STRBP: variants seen among roughly 807,000 people sequenced by gnomAD.
The protein encoded by STRBP is spermatid perinuclear RNA-binding protein.
Under a neutral mutation model 80.1 loss-of-function variants are expected in STRBP, and 13 were observed. That is an observed-to-expected ratio of 0.16 (90% CI 0.11 to 0.26). The LOEUF is 0.26. STRBP is among the 10% of genes least tolerant of loss of function. The probability of loss-of-function intolerance (pLI) is 1.00; values close to 1 mark genes in which losing one functional copy is unlikely to be tolerated. For missense variants in STRBP, 485 were observed against 815.2 expected, an observed-to-expected ratio of 0.59 and a Z score of 4.93; for synonymous variants, 284 against 291.2, an observed-to-expected ratio of 0.98 and a Z score of 0.25.
intron 2 of STRBP, among the ~76,000 whole-genome samples, chr9:123,193,455 T>C (rs1157665576): frequency 1.3e-5 from 2 of 152,350 alleles, no homozygotes; most frequent in East Asian, 1.9e-4. Context: ...GACTTCTCCA[T>C]CTTGGATTAA....
intron 2 of STRBP, among the ~76,000 whole-genome samples, chr9:123,225,347 A>G (rs2040201531): frequency 6.6e-6 from 1 of 152,248 alleles, no homozygotes; most frequent in African/African-American, 2.4e-5. Context: ...GGAAAAAGGA[A>G]AACAGAAAAG....
At chr9:123,202,400 G>C (rs4838033) in intron 2 of STRBP, among the ~76,000 whole-genome samples, 50,510 of 152,068 alleles carry the variant, frequency 0.33, 12,456 homozygotes, top group East Asian at 0.7. Flanking sequence ...TGTAGTGCTG[G>C]TTTGGTAGGG....
chr9:123,256,004 G>A (rs1158734111), intron 1 of STRBP, among the ~76,000 whole-genome samples: 1 of 137,348 alleles, frequency 7.3e-6, no homozygotes, highest in Non-Finnish European at 1.6e-5. Flanking sequence ...ACAGTTCCAA[G>A]ACATCCTTTC....
intron 1 of STRBP, among the ~76,000 whole-genome samples, chr9:123,239,350 G>A (rs970907720): frequency 6.6e-6 from 1 of 152,118 alleles, no homozygotes; most frequent in African/African-American, 2.4e-5. Flanking sequence ...ACTCTGGCCT[G>A]GGTGACAGAG....
intron 2 of STRBP, among the ~76,000 whole-genome samples, chr9:123,210,839 A>AG (rs1019384743): frequency 3.3e-5 from 5 of 152,026 alleles, no homozygotes; most frequent in Non-Finnish European, 5.9e-5. Flanking sequence ...AAAAAAAAAA[A>AG]AAGATCAACC....
intron 1 of STRBP, among the ~76,000 whole-genome samples, chr9:123,266,442 C>A (rs1177380249): frequency 6.6e-6 from 1 of 151,958 alleles, no homozygotes; most frequent in Non-Finnish European, 1.5e-5. Flanking sequence ...GTCCCCCCAC[C>A]CCTCAATCTC....
At chr9:123,230,913 T>C (rs1301124590) in intron 2 of STRBP, among the ~76,000 whole-genome samples, 1 of 147,976 alleles carries the variant, frequency 6.8e-6, no homozygotes, top group African/African-American at 2.7e-5. Context: ...GGTATAATAA[T>C]TGTACCCAAA....
At chr9:123,248,271 T>G (rs1266685509) in intron 1 of STRBP, among the ~76,000 whole-genome samples, 1 of 143,268 alleles carries the variant, frequency 7.0e-6, no homozygotes, top group Non-Finnish European at 1.5e-5. Context: ...GTTTTTTTTT[T>G]TTTTTTTTTT....
chr9:123,122,795 T>C lies in STRBP; in HGVS notation c.*2802A>G. 1.0e-6 allele frequency: 1 copy of C among 989,848 alleles called. No individual in the cohort carries two copies. The highest frequency in any genetic ancestry group is 1.2e-6 in the Non-Finnish European group (1 of 832,840). 61.3% of individuals were successfully genotyped at this position (989,848 alleles called of 1,614,324 possible). On this transcript the variant is annotated 3_prime_UTR_variant, in exon 19 of 19. Coordinates refer to ENST00000348403, the MANE Select transcript of STRBP (RefSeq NM_018387.5). ...GCAGTCAGGAATGTAACTATTTATG[T>C]GCTAAAAAGTGTAAAAAACTGTCAG...
chr9:123,220,429 C>T (rs968944319), intron 2 of STRBP, among the ~76,000 whole-genome samples: 3 of 152,194 alleles, frequency 2.0e-5, no homozygotes, highest in Non-Finnish European at 4.4e-5. Context: ...TGTATCCACA[C>T]ACAGAAAAAG....
chr9:123,180,032 T>C (rs1267206560), intron 3 of STRBP, among the ~76,000 whole-genome samples: 1 of 152,088 alleles, frequency 6.6e-6, no homozygotes, highest in Non-Finnish European at 1.5e-5. Context: ...GGTGGGAGGA[T>C]CGCTTGAAGG....
chr9:123,139,382 T>A (rs1308923219), intron 14 of STRBP, 147 bp downstream of exon 14: 2 of 697,214 alleles, frequency 2.9e-6, no homozygotes, highest in Admixed American at 4.1e-5. Context: ...TGGATGGAAA[T>A]AAACCAAAAT....
At chr9:123,158,170 T>C (rs757847727) in intron 10 of STRBP, 47 bp from the exon 11 acceptor site, 5 of 1,547,630 alleles carry the variant, frequency 3.2e-6, no homozygotes, top group Non-Finnish European at 4.5e-6. Context: ...TAGCCATTCA[T>C]AAAGCCCTTA....
intron 1 of STRBP, among the ~76,000 whole-genome samples, chr9:123,243,179 A>G (rs911887899): frequency 6.6e-6 from 1 of 151,548 alleles, no homozygotes; most frequent in Non-Finnish European, 1.5e-5. Context: ...TGTCCAACTA[A>G]TTTCTTAGAA....
intron 2 of STRBP, among the ~76,000 whole-genome samples, chr9:123,204,736 T>G (rs1419808493): frequency 2.7e-5 from 4 of 145,872 alleles, no homozygotes; most frequent in Non-Finnish European, 4.5e-5. Context: ...GCTAACACAG[T>G]AAAACCCCGT....
At chr9:123,232,625 A>G (rs2040429727) in intron 2 of STRBP, among the ~76,000 whole-genome samples, 1 of 152,222 alleles carries the variant, frequency 6.6e-6, no homozygotes, top group Admixed American at 6.5e-5. Context: ...GAAAACTGGT[A>G]TGTCTATGTG....
chr9:123,261,770 C>G (rs924915370), intron 1 of STRBP, among the ~76,000 whole-genome samples: 1 of 152,264 alleles, frequency 6.6e-6, no homozygotes, highest in Admixed American at 6.5e-5. Flanking sequence ...TTATTCTCTC[C>G]AGCTTTTAAT....
At chr9:123,132,727 C>T (rs1028124509) in intron 17 of STRBP, 118 bp downstream of exon 17, 2 of 1,362,218 alleles carry the variant, frequency 1.5e-6, no homozygotes, top group Non-Finnish European at 2.0e-6. Flanking sequence ...TTTCTGTGTA[C>T]ATTCATGCCT....
At chr9:123,214,995 C>G (rs1391882627) in intron 2 of STRBP, among the ~76,000 whole-genome samples, 1 of 151,976 alleles carries the variant, frequency 6.6e-6, no homozygotes, top group Non-Finnish European at 1.5e-5. Flanking sequence ...GTCCACTGTT[C>G]CTGGGTTATG....
Sources: allele counts gnomAD v4.1 joint callset (sites outside exome capture counted in the v4.1 genomes callset), GRCh38; gene constraint gnomAD v4.1.1; transcripts MANE v1.5; gene names NCBI Gene and HGNC (gene_info 2026-07-23, HGNC 2026-07-21).